PRELID3A: variants seen among roughly 807,000 people sequenced by gnomAD.
PRELID3A encodes the protein PRELI domain containing 3A.
Under a neutral mutation model 23.0 loss-of-function variants are expected in PRELID3A, and 27 were observed. The observed-to-expected ratio is 1.17, with a 90% CI of 0.87 to 1.62. The LOEUF (loss-of-function observed/expected upper bound fraction) is 1.62, where lower values mean the gene tolerates loss of function less well. Among genes scored for constraint, PRELID3A ranks in the 40% most tolerant of loss-of-function variants. The probability of loss-of-function intolerance (pLI) is 0.00; values close to 1 mark genes in which losing one functional copy is unlikely to be tolerated. For missense variants in PRELID3A, 231 were observed against 231.4 expected, an observed-to-expected ratio of 1.00 and a Z score of 0.01; for synonymous variants, 87 against 86.4, an observed-to-expected ratio of 1.01 and a Z score of -0.04.
At chr18:12,412,960 A>G (rs1909964720) in intron 1 of PRELID3A, among the ~76,000 whole-genome samples, 1 of 152,208 alleles carries the variant, frequency 6.6e-6, no homozygotes, top group African/African-American at 2.4e-5. Context: ...TTAATAGGAG[A>G]TAACTTGATT....
At chr18:12,417,742 A>G (rs557911605) in intron 1 of PRELID3A, among the ~76,000 whole-genome samples, 2 of 152,274 alleles carry the variant, frequency 1.3e-5, no homozygotes, top group East Asian at 1.9e-4. Context: ...GGGGTCTGCC[A>G]TGTCCCTGAC....
In PRELID3A at chr18:12,407,966, G is replaced by A; in HGVS notation, c.-10G>A. ...CCGGATCGCAGAGCCCGCGCCCTGCGCCGGCGGCAATGAAGATCTGGAGCT... is the reference window on the plus strand; with the variant it reads ...CCGGATCGCAGAGCCCGCGCCCTGCACCGGCGGCAATGAAGATCTGGAGCT... On this transcript the variant is annotated 5_prime_UTR_variant, in exon 1 of 7. Coordinates refer to ENST00000440960, the MANE Select transcript of PRELID3A (RefSeq NM_001142405.2). 14 of 1,296,402 alleles carry A rather than the reference G, an allele frequency of 1.1e-5. No individual in the cohort carries two copies. The highest frequency in any genetic ancestry group is 1.4e-5 in the Non-Finnish European group (14 of 1,023,900). 80.3% of individuals were successfully genotyped at this position (1,296,402 alleles called of 1,614,324 possible).
chr18:12,420,275 G>GCGGCCC lies in PRELID3A; in HGVS notation c.33-39_33-34dup, dbSNP rs767793012. 62 of 1,541,088 alleles carry GCGGCCC rather than the reference G, an allele frequency of 4.0e-5. No individual in the cohort carries two copies. In the Middle Eastern group the frequency reaches 1.2e-3, roughly 30 times the overall value. The stretch of plus-strand genomic sequence containing the variant: ...GCGGCTTTTCCTCCCCTTCACCCTT[G>GCGGCCC]CGGCCCCGGCCCCGGCGCTTGCTCA... On this transcript the variant is annotated intron_variant, in intron 1 of 6. Transcript: ENST00000440960.
intron 1 of PRELID3A, among the ~76,000 whole-genome samples, chr18:12,414,925 A>C (rs755197383): frequency 1.3e-5 from 2 of 152,092 alleles, no homozygotes; most frequent in Admixed American, 1.3e-4. Flanking sequence ...GGCTGCCTAC[A>C]TCTTTTTTTC....
At chr18:12,410,483 G>A (rs1380117718) in intron 1 of PRELID3A, among the ~76,000 whole-genome samples, 2 of 152,154 alleles carry the variant, frequency 1.3e-5, no homozygotes, top group Admixed American at 6.5e-5. Flanking sequence ...ACCATGAGGT[G>A]GTACCATGAG....
chr18:12,427,709 T>A (rs938279671), intron 5 of PRELID3A, among the ~76,000 whole-genome samples: 14 of 150,938 alleles, frequency 9.3e-5, no homozygotes, highest in South Asian at 2.1e-4. Flanking sequence ...AAAATAAAAA[T>A]AAAAATAAAA....
At chr18:12,430,703 A>G (rs2030556011) in intron 6 of PRELID3A, among the ~76,000 whole-genome samples, 1 of 135,944 alleles carries the variant, frequency 7.4e-6, no homozygotes, top group Non-Finnish European at 1.6e-5. Flanking sequence ...GCTGTGTGTG[A>G]ATGTGTGTAT....
intron 1 of PRELID3A, 96 bp downstream of exon 1, chr18:12,408,103 G>A (rs928895971): frequency 2.8e-6 from 3 of 1,084,406 alleles, no homozygotes; most frequent in Middle Eastern, 3.4e-4. Flanking sequence ...GGACCTCACA[G>A]CGGGCCTCGC....
intron 1 of PRELID3A, 151 bp downstream of exon 1, chr18:12,408,158 G>T: frequency 1.5e-6 from 1 of 676,786 alleles, no homozygotes; most frequent in Non-Finnish European, 2.1e-6. Context: ...CGCAACTTCG[G>T]CGTCCCGGAG....
At chr18:12,411,322 T>G (rs1305953006) in intron 1 of PRELID3A, among the ~76,000 whole-genome samples, 1 of 149,876 alleles carries the variant, frequency 6.7e-6, no homozygotes, top group African/African-American at 2.4e-5. Context: ...AAAAATTAGC[T>G]GGGCGTGGTG....
chr18:12,430,368 G>GGT lies in PRELID3A; in HGVS notation c.*34-768_*34-767dup, dbSNP rs58524238. On this transcript the variant is annotated intron_variant, in intron 6 of 6. Transcript: ENST00000440960. ...GCGTGGTATGTATATATGTGTGTGTGGTGTGTGTGTGTGTGCAGCGTGTAT... is the reference window on the plus strand; with the variant it reads ...GCGTGGTATGTATATATGTGTGTGTGGTGTGTGTGTGTGTGTGCAGCGTGTAT... Among the ~76,000 whole-genome samples the GGT allele has an allele frequency of 7.3e-5, 11 of 150,450 alleles. 1 individual carries two copies. Among genetic ancestry groups the GGT allele is most frequent in the Middle Eastern group, 6.8e-3 (2 of 292 alleles).
intron 2 of PRELID3A, among the ~76,000 whole-genome samples, chr18:12,420,935 C>G (rs2030158596): frequency 6.6e-6 from 1 of 152,126 alleles, no homozygotes; most frequent in Non-Finnish European, 1.5e-5. Context: ...GCCCCTCCTC[C>G]TGGTTTAACC....
rs2030414468 is a variant in PRELID3A at position 12,427,324 on chromosome 18, G to A, written c.465+1G>A. 2.5e-6 allele frequency: 4 copies of A among 1,598,660 alleles called. No individual in the cohort carries two copies. The highest frequency in any genetic ancestry group is 3.4e-6 in the Non-Finnish European group (4 of 1,166,266). Reference sequence around the variant, plus strand: ...TACGATATCATCCAATGCAAAGAAGGTATGTATCTCAATCCTAGGAGTCCT... The same window carrying A: ...TACGATATCATCCAATGCAAAGAAGATATGTATCTCAATCCTAGGAGTCCT... On this transcript the variant is annotated splice_donor_variant, in intron 5 of 6. Coordinates refer to ENST00000440960, the MANE Select transcript of PRELID3A (RefSeq NM_001142405.2). LOFTEE classifies it high-confidence loss of function.
intron 1 of PRELID3A, among the ~76,000 whole-genome samples, chr18:12,415,906 G>A (rs2029936120): frequency 6.6e-6 from 1 of 152,238 alleles, no homozygotes; most frequent in South Asian, 2.1e-4. Context: ...TATGTGGGGA[G>A]CCATCCATGC....
chr18:12,430,643 GGTAT>G (rs2030551402), intron 6 of PRELID3A, among the ~76,000 whole-genome samples: 1 of 145,084 alleles, frequency 6.9e-6, no homozygotes, highest in Admixed American at 7.0e-5. Flanking sequence ...ATATGTGTGT[GGTAT>G]GTGTCGTGTG....
chr18:12,409,710 A>G (rs1275189800), intron 1 of PRELID3A, among the ~76,000 whole-genome samples: 1 of 152,118 alleles, frequency 6.6e-6, no homozygotes, highest in African/African-American at 2.4e-5. Flanking sequence ...TTCTCATGGA[A>G]TGGCCGAGGT....
chr18:12,421,598 T>TG lies in PRELID3A; in HGVS notation c.262dup (p.Glu88GlyfsTer20). 6.2e-7 allele frequency: 1 copy of TG among 1,613,544 alleles called. No homozygotes were observed. The highest frequency in any genetic ancestry group is 8.5e-7 in the Non-Finnish European group (1 of 1,179,616). ...CGAGAACATTCTGTGGTGGATCCAG[T>TG]GGAAAAGAAAATGGAACTTTGTTCT... On this transcript the variant is annotated frameshift_variant, in exon 3 of 7. Transcript: ENST00000440960. LOFTEE classifies it high-confidence loss of function.
rs1202694056 is a variant in PRELID3A, at chr18:12,420,060, C to T, written c.33-265C>T. ...TGAGTCTGCAGTGACCCTGATGGCA[C>T]CACTGCATTCCTGCCTGCTGGGCGA... On this transcript the variant is annotated intron_variant, in intron 1 of 6. Transcript: ENST00000440960. The T allele has an allele frequency of 1.7e-5, 21 of 1,248,594 alleles. 1 individual carries two copies. In the South Asian group the frequency reaches 3.4e-4, roughly 20 times the overall value. The allele number at this position is 1,248,594 out of a possible 1,614,324, so 77.3% of individuals were successfully genotyped here. A position where few individuals can be genotyped will look rare whatever the true frequency, so the allele number is the denominator to read the frequency against.
chr18:12,415,183 G>A (rs1463489308), intron 1 of PRELID3A, among the ~76,000 whole-genome samples: 2 of 151,940 alleles, frequency 1.3e-5, no homozygotes, highest in East Asian at 3.9e-4. Context: ...TCCTGCCTTG[G>A]CCTCCCAAAA....
Sources: allele counts gnomAD v4.1 joint callset (sites outside exome capture counted in the v4.1 genomes callset), GRCh38; gene constraint gnomAD v4.1.1; transcripts MANE v1.5; gene names NCBI Gene and HGNC (gene_info 2026-07-23, HGNC 2026-07-21).